Variants in NKIRAS2 observed in about 807,000 individuals in gnomAD.
NKIRAS2 encodes NFKB inhibitor interacting Ras like 2, also known as NF-kappa-B inhibitor-interacting Ras-like protein 2.
NKIRAS2 carries 15 observed loss-of-function variants against 20.7 expected under a neutral mutation model. The observed-to-expected ratio is 0.73, with a 90% CI of 0.49 to 1.12. NKIRAS2 has a LOEUF of 1.12. Among genes scored for constraint, NKIRAS2 ranks in the 50% most tolerant of loss-of-function variants. The pLI is 0.00. For missense variants in NKIRAS2, 196 were observed against 249.6 expected (o/e 0.79, Z 1.45); for synonymous variants, 116 against 101.4 (o/e 1.14, Z -0.87).
chr17:42,021,388 G>GGAACTATACATTCAGTTTA (rs1180651962), intron 1 of NKIRAS2, 176 bp from the exon 2 acceptor site: 4 of 579,940 alleles, frequency 6.9e-6, no homozygotes, highest in East Asian at 2.9e-5. Context: ...CTGAAACCCT[G>GGAACTATACATTCAGTTTA]GAACTATACA....
Position 42,024,011 on chromosome 17 carries a change from C to A in NKIRAS2, c.*118C>A. On this transcript the variant is annotated 3_prime_UTR_variant, in exon 4 of 4. Transcript: ENST00000393885. ...TTTCCCAGTCAGCCAGGGAGCTCCC[C>A]GCCAGGCCACGCCCCAGCCACTTTG... is the stretch of plus-strand genomic sequence containing the variant. 2 of 1,444,560 alleles carry A rather than the reference C, an allele frequency of 1.4e-6. No homozygotes were observed. The highest frequency in any genetic ancestry group is 9.2e-7 in the Non-Finnish European group (1 of 1,091,436). 89.5% of individuals were successfully genotyped at this position (1,444,560 alleles called of 1,614,324 possible).
chr17:42,018,515 C>G (rs2052367179), upstream of NKIRAS2: 1 of 152,194 alleles, frequency 6.6e-6, no homozygotes, highest in South Asian at 2.1e-4. Flanking sequence ...GAAACCACAG[C>G]GACCACTGAG....
chr17:42,021,603 T>C lies in NKIRAS2; in HGVS notation c.26T>C (p.Val9Ala), dbSNP rs782059395. 14 of 1,614,162 alleles carry C rather than the reference T, an allele frequency of 8.7e-6. No individual in the cohort carries two copies. In the Admixed American group the frequency reaches 2.0e-4, roughly 23 times the overall value. MGKSCKVV[V>A]CGQASVGKTS... ...ATGGGGAAGAGCTGCAAGGTGGTCG[T>C]GTGTGGCCAGGCGTCTGTGGGCAAA... is the stretch of plus-strand genomic sequence containing the variant. Residue 9 changes from valine (V) to alanine (A), a missense_variant, in exon 2 of 4, where the codon GTG becomes GCG. By Grantham distance (64) the Val-to-Ala change is moderately conservative. Transcript: ENST00000393885.
rs782667803 is a variant in NKIRAS2, at chr17:42,022,386, C to T, written c.95-13C>T. On this transcript the variant is annotated splice_polypyrimidine_tract_variant and intron_variant, in intron 2 of 3. Transcript: ENST00000393885. The stretch of plus-strand genomic sequence containing the variant: ...CTCTCTCCACTTCAGACAGTTTTCT[C>T]ATTTTATACCAGGTTCGGAGATGAT... The T allele has an allele frequency of 1.3e-6, 2 of 1,560,550 alleles. No homozygotes were observed. The highest frequency in any genetic ancestry group is 1.2e-5 in the South Asian group (1 of 85,178).
upstream of NKIRAS2, among the ~76,000 whole-genome samples, chr17:42,019,723 G>A (rs2052394581): frequency 1.3e-5 from 2 of 152,164 alleles, no homozygotes; most frequent in Non-Finnish European, 2.9e-5. Flanking sequence ...TCTCTAGACC[G>A]TGAGTTCTGA....
chr17:42,025,007 C>T lies in NKIRAS2; in HGVS notation c.*1114C>T, dbSNP rs79502260. The T allele has an allele frequency of 6.5e-5, 10 of 152,688 alleles. No homozygotes were observed. The East Asian group carries it at 1.4e-3, about 21-fold the overall frequency. The allele number at this position is 152,688 out of a possible 1,614,324, so 9.5% of individuals were successfully genotyped here. A position where few individuals can be genotyped will look rare whatever the true frequency, so the allele number is the denominator to read the frequency against. On this transcript the variant is annotated 3_prime_UTR_variant, in exon 4 of 4. Coordinates refer to ENST00000393885, the MANE Select transcript of NKIRAS2 (RefSeq NM_017595.6). ...AGATCCTTTCCAGTTCTCTTGATTT[C>T]GTAAAGCCAATGGCTTCTCCCTCTT... is the stretch of plus-strand genomic sequence containing the variant.
chr17:42,024,037 C>G lies in NKIRAS2; in HGVS notation c.*144C>G. On this transcript the variant is annotated 3_prime_UTR_variant, in exon 4 of 4. Transcript: ENST00000393885. ...GCCAGGCCACGCCCCAGCCACTTTGCTCCCTCTCACCTCTGGGAAGTGCAA... is the reference window on the plus strand; with the variant it reads ...GCCAGGCCACGCCCCAGCCACTTTGGTCCCTCTCACCTCTGGGAAGTGCAA... The G allele has an allele frequency of 7.7e-7, 1 of 1,294,026 alleles. No individual in the cohort carries two copies. The highest frequency in any genetic ancestry group is 1.0e-6 in the Non-Finnish European group (1 of 961,884). The allele number at this position is 1,294,026 out of a possible 1,614,324, so 80.2% of individuals were successfully genotyped here. A position where few individuals can be genotyped will look rare whatever the true frequency, so the allele number is the denominator to read the frequency against.
chr17:42,024,048 C>A lies in NKIRAS2; in HGVS notation c.*155C>A, dbSNP rs907554798. 1 of 1,178,000 alleles carries A rather than the reference C, an allele frequency of 8.5e-7. No homozygotes were observed. The highest frequency in any genetic ancestry group is 1.5e-5 in the African/African-American group (1 of 64,808). The allele number at this position is 1,178,000 out of a possible 1,614,324, so 73.0% of individuals were successfully genotyped here. A position where few individuals can be genotyped will look rare whatever the true frequency, so the allele number is the denominator to read the frequency against. ...CCCCAGCCACTTTGCTCCCTCTCACCTCTGGGAAGTGCAAATACTCTTGGT... is the reference window on the plus strand; with the variant it reads ...CCCCAGCCACTTTGCTCCCTCTCACATCTGGGAAGTGCAAATACTCTTGGT... On this transcript the variant is annotated 3_prime_UTR_variant, in exon 4 of 4. Transcript: ENST00000393885.
upstream of NKIRAS2, among the ~76,000 whole-genome samples, chr17:42,019,663 G>T (rs868994562): frequency 5.9e-5 from 9 of 152,160 alleles, no homozygotes; most frequent in South Asian, 1.5e-3. Flanking sequence ...AACGTTAAAT[G>T]CCCTTTTGCT....
chr17:42,025,168 G>A lies in NKIRAS2; in HGVS notation c.*1275G>A, dbSNP rs1446133372. The A allele has an allele frequency of 6.6e-6, 1 of 152,642 alleles. No homozygotes were observed. The highest frequency in any genetic ancestry group is 1.5e-5 in the Non-Finnish European group (1 of 68,072). 9.5% of individuals were successfully genotyped at this position (152,642 alleles called of 1,614,324 possible). A position where few individuals can be genotyped will look rare whatever the true frequency, so the allele number is the denominator to read the frequency against. On this transcript the variant is annotated 3_prime_UTR_variant, in exon 4 of 4. Coordinates refer to ENST00000393885, the MANE Select transcript of NKIRAS2 (RefSeq NM_017595.6). ...CCAGCCCGCCAGCCTCGCTCTTGGA[G>A]GCTGCTCTTTATCCTGCCTGTGGTT...
chr17:42,021,898 C>T (rs781837150), intron 2 of NKIRAS2: 4 of 718,142 alleles, frequency 5.6e-6, no homozygotes, highest in Non-Finnish European at 1.0e-5. Context: ...TTGTGCTTAG[C>T]ATGGAATTAG....
At chr17:42,018,269 G>A (rs1235812594), upstream of NKIRAS2, among the ~76,000 whole-genome samples, 2 of 152,116 alleles carry the variant, frequency 1.3e-5, no homozygotes, top group African/African-American at 4.8e-5. Flanking sequence ...GGGGACAAGG[G>A]CACAGTTTAA....
chr17:42,017,812 CTG>C (rs1275212912), upstream of NKIRAS2, among the ~76,000 whole-genome samples: 3 of 152,218 alleles, frequency 2.0e-5, no homozygotes, highest in Non-Finnish European at 4.4e-5. Flanking sequence ...ACCCAAGACT[CTG>C]TAGGGAAGGA....
In NKIRAS2 at chr17:42,022,615, T is replaced by C. The variant is rs1449881374; in HGVS notation, c.311T>C (p.Ile104Thr). Residue 104 changes from isoleucine (I) to threonine (T), a missense_variant, in exon 3 of 4, where the codon ATT becomes ACT. Ile to Thr is a moderately conservative substitution (Grantham distance 89, BLOSUM62 -1). Transcript: ENST00000393885. ...FQRVELLKKE[I>T]DKSKDKKEVT... ...CGTGTGGAGCTGCTCAAGAAGGAGA[T>C]TGACAAATCCAAGGACAAGAAGGAG... The C allele has an allele frequency of 4.3e-6, 7 of 1,613,246 alleles. No homozygotes were observed. Among genetic ancestry groups the C allele is most frequent in the Admixed American group, 3.3e-5 (2 of 59,976 alleles).
rs1471348598 is a variant in NKIRAS2, at chr17:42,022,476, C to T, written c.172C>T (p.Arg58Cys). ...AGACCGGGGGGTGCGAGAGCAGGTG[C>T]GTTTCTATGACACCCGGGGGCTCCG... is the stretch of plus-strand genomic sequence containing the variant. ...ETDRGVREQV[R>C]FYDTRGLRDG... is the part of the protein sequence containing the mutation. The change falls in exon 3 of 4, where the codon CGT becomes TGT. Residue 58 changes from arginine to cysteine, a missense_variant. Coordinates refer to ENST00000393885, the MANE Select transcript of NKIRAS2 (RefSeq NM_017595.6). 3 of 1,613,542 alleles carry T rather than the reference C, an allele frequency of 1.9e-6. No individual in the cohort carries two copies. The highest frequency in any genetic ancestry group is 2.5e-6 in the Non-Finnish European group (3 of 1,179,534).
upstream of NKIRAS2, chr17:42,018,374 A>G (rs2052363352): frequency 6.6e-6 from 1 of 152,220 alleles, no homozygotes; most frequent in Admixed American, 6.5e-5. Flanking sequence ...TATGAGGAGT[A>G]GCTTTACAAT....
intron 2 of NKIRAS2, chr17:42,021,935 T>C: frequency 4.7e-6 from 3 of 644,258 alleles, no homozygotes; most frequent in Non-Finnish European, 8.8e-6. Flanking sequence ...ATTGGCCGGG[T>C]GCGGTGGATC....
chr17:42,022,458 G>C lies in NKIRAS2; in HGVS notation c.154G>C (p.Gly52Arg). The C allele has an allele frequency of 6.2e-7, 1 of 1,611,330 alleles. No individual in the cohort carries two copies. Among genetic ancestry groups the C allele is most frequent in the Non-Finnish European group, 8.5e-7 (1 of 1,177,624 alleles). The change falls in exon 3 of 4, where the codon GGG (glycine) becomes CGG (arginine). Residue 52 changes from glycine (G) to arginine (R), a missense_variant. Transcript: ENST00000393885. ...IYVGSIETDR[G>R]VREQVRFYDT... is the part of the protein sequence containing the mutation. Reference sequence around the variant, plus strand: ...CGTGGGCTCCATTGAGACAGACCGGGGGGTGCGAGAGCAGGTGCGTTTCTA... The same window carrying C: ...CGTGGGCTCCATTGAGACAGACCGGCGGGTGCGAGAGCAGGTGCGTTTCTA...
At chr17:42,022,259 G>T (rs547980161) in intron 2 of NKIRAS2, 140 bp from the exon 3 acceptor site, 2 of 828,728 alleles carry the variant, frequency 2.4e-6, no homozygotes, top group Non-Finnish European at 3.8e-6. Flanking sequence ...AATCATTTCA[G>T]TCCTGCCAGG....
Sources: allele counts gnomAD v4.1 joint callset (sites outside exome capture counted in the v4.1 genomes callset), GRCh38; gene constraint gnomAD v4.1.1; transcripts MANE v1.5; gene names NCBI Gene and HGNC (gene_info 2026-07-23, HGNC 2026-07-21).